The following SHMT1 variants were observed in gnomAD, a reference collection of about 807,000 sequenced individuals.
SHMT1 encodes serine hydroxymethyltransferase, cytosolic.
Under a neutral mutation model 49.0 loss-of-function variants are expected in SHMT1, and 45 were observed. The ratio of observed to expected loss-of-function variants is 0.92; its 90% confidence interval spans 0.72 to 1.18. The LOEUF is 1.18. SHMT1 is among the 50% of genes most tolerant of loss of function. The pLI is 0.00. For synonymous variants in SHMT1, 232 were observed against 246.6 expected, an observed-to-expected ratio of 0.94 and a Z score of 0.55; for missense variants, 541 against 612.4, an observed-to-expected ratio of 0.88 and a Z score of 1.23.
intron 2 of SHMT1, among the ~76,000 whole-genome samples, chr17:18,355,360 ACT>A (rs1986139438): frequency 7.6e-6 from 1 of 132,276 alleles, no homozygotes; most frequent in African/African-American, 3.1e-5. Context: ...ACAGAGCAAG[ACT>A]CTGTCTCAAA....
intron 1 of SHMT1, among the ~76,000 whole-genome samples, chr17:18,358,780 G>C (rs1009275877): frequency 2.0e-5 from 3 of 152,128 alleles, no homozygotes; most frequent in Non-Finnish European, 4.4e-5. Flanking sequence ...GCATGCATCT[G>C]TAGTCCCAGC....
chr17:18,356,597 T>G (rs945559508), intron 1 of SHMT1, among the ~76,000 whole-genome samples: 2 of 152,166 alleles, frequency 1.3e-5, no homozygotes, highest in African/African-American at 4.8e-5. Context: ...CCTCCCAAAG[T>G]GCTGGGATTA....
At chr17:18,349,711 C>T (rs117513105) in intron 3 of SHMT1, among the ~76,000 whole-genome samples, 2,544 of 150,954 alleles carry the variant, frequency 0.017, 28 homozygotes, top group South Asian at 0.045. Flanking sequence ...ACAGTGAGAC[C>T]CTAACTCTAA....
chr17:18,340,650 G>C lies in SHMT1; in HGVS notation c.601+82C>G. 1 of 1,220,846 alleles carries C rather than the reference G, an allele frequency of 8.2e-7. No individual in the cohort carries two copies. The highest frequency in any genetic ancestry group is 1.2e-6 in the Non-Finnish European group (1 of 844,074). 75.6% of individuals were successfully genotyped at this position (1,220,846 alleles called of 1,614,324 possible). A position where few individuals can be genotyped will look rare whatever the true frequency, so the allele number is the denominator to read the frequency against. On this transcript the variant is annotated intron_variant, in intron 6 of 11. Coordinates refer to ENST00000316694, the MANE Select transcript of SHMT1 (RefSeq NM_004169.5). The surrounding 1 kb of genome is among the most constrained non-coding windows in gnomAD (Gnocchi z 4.5). ...CAGAAACTAGCAGTGGGCTCAACAG[G>C]GTGCGAACATCTTTCCATCCTCATT...
intron 5 of SHMT1, among the ~76,000 whole-genome samples, chr17:18,347,047 G>T (rs886965063): frequency 6.6e-6 from 1 of 152,214 alleles, no homozygotes; most frequent in African/African-American, 2.4e-5. Flanking sequence ...TGGTTTTGGT[G>T]CTGGAGCTGG....
chr17:18,331,480 T>C (rs943273809), intron 9 of SHMT1: 10 of 154,424 alleles, frequency 6.5e-5, no homozygotes, highest in African/African-American at 9.6e-5. Context: ...AGTAAGATAC[T>C]GGACATAGTG....
intron 1 of SHMT1, among the ~76,000 whole-genome samples, chr17:18,362,381 C>T (rs762749634): frequency 9.2e-5 from 14 of 152,004 alleles, no homozygotes; most frequent in East Asian, 1.9e-4. Flanking sequence ...AGTGCAGTGG[C>T]GTGATCTCCG....
chr17:18,337,953 CTCCCAAAGTGCCGAGATT>C (rs1475350705), intron 7 of SHMT1, among the ~76,000 whole-genome samples: 4 of 152,086 alleles, frequency 2.6e-5, no homozygotes. Flanking sequence ...CTGCCTTGGC[CTCCCAAAGTGCCGAGATT>C]GCAGCCTCTG....
At chr17:18,355,292 C>G (rs1361587445) in intron 2 of SHMT1, among the ~76,000 whole-genome samples, 1 of 150,978 alleles carries the variant, frequency 6.6e-6, no homozygotes, top group African/African-American at 2.4e-5. Flanking sequence ...ATGGCATGAA[C>G]CCAGGAGGTG....
At chr17:18,343,582 T>C (rs1367517281) in intron 5 of SHMT1, among the ~76,000 whole-genome samples, 1 of 116,336 alleles carries the variant, frequency 8.6e-6, no homozygotes, top group Non-Finnish European at 1.6e-5. Context: ...CACTCCAGCC[T>C]GGGCGACAAG....
At position 18,340,409 on chromosome 17, in the gene SHMT1, C is replaced by T. The variant is rs910698375; in HGVS notation, c.602-154G>A. On this transcript the variant is annotated intron_variant, in intron 6 of 11. Transcript: ENST00000316694. This position sits in a 1 kb window ranked among gnomAD's most constrained non-coding sequence, Gnocchi z 4.5. The stretch of plus-strand genomic sequence containing the variant: ...AATGGAGAATGCCCTCAAAAAGCAC[C>T]TCTGTGCTAAAGGCAACCACTCTAA... The T allele has an allele frequency of 1.1e-5, 9 of 843,312 alleles. No individual in the cohort carries two copies. Among genetic ancestry groups the T allele is most frequent in the South Asian group, 4.3e-5 (3 of 69,246 alleles). The allele number at this position is 843,312 out of a possible 1,614,324, so 52.2% of individuals were successfully genotyped here.
intron 7 of SHMT1, among the ~76,000 whole-genome samples, chr17:18,336,773 C>A (rs1037539710): frequency 2.0e-5 from 3 of 152,038 alleles, no homozygotes; most frequent in Non-Finnish European, 4.4e-5. Flanking sequence ...AGAGAGAACC[C>A]ATGTCCACAG....
At chr17:18,362,639 G>A (rs1986877453) in intron 1 of SHMT1, among the ~76,000 whole-genome samples, 1 of 152,122 alleles carries the variant, frequency 6.6e-6, no homozygotes, top group Non-Finnish European at 1.5e-5. Flanking sequence ...TGTTATTTCT[G>A]CAAGAACCTA....
At chr17:18,336,318 A>G (rs529159873) in intron 7 of SHMT1, among the ~76,000 whole-genome samples, 1 of 151,860 alleles carries the variant, frequency 6.6e-6, no homozygotes, top group Non-Finnish European at 1.5e-5. Flanking sequence ...ATTTCCCTCC[A>G]CTAACATTGT....
chr17:18,339,577 T>C (rs1179701947), intron 7 of SHMT1, among the ~76,000 whole-genome samples: 3 of 151,860 alleles, frequency 2.0e-5, no homozygotes, highest in Non-Finnish European at 4.4e-5. Context: ...TTTTTTTTTT[T>C]TGAGACGGCA....
Position 18,340,691 on chromosome 17 carries a change from G to A in SHMT1, c.601+41C>T, listed in dbSNP as rs1464412661. On this transcript the variant is annotated intron_variant, in intron 6 of 11. Coordinates refer to ENST00000316694, the MANE Select transcript of SHMT1 (RefSeq NM_004169.5). This position sits in a 1 kb window ranked among gnomAD's most constrained non-coding sequence, Gnocchi z 4.5. Reference sequence around the variant, plus strand: ...CATCCTCATTCTGTAAGAGGCACCAGGCTACTGGTGAACAAGGTGACTTTC... The same window carrying A: ...CATCCTCATTCTGTAAGAGGCACCAAGCTACTGGTGAACAAGGTGACTTTC... 2 of 1,555,396 alleles carry A rather than the reference G, an allele frequency of 1.3e-6. No homozygotes were observed. Among genetic ancestry groups the A allele is most frequent in the African/African-American group, 1.4e-5 (1 of 73,568 alleles).
At chr17:18,332,915 A>G (rs1340268940) in intron 9 of SHMT1, 1 of 544,264 alleles carries the variant, frequency 1.8e-6, no homozygotes, top group East Asian at 3.7e-5. Context: ...TCTGAGGACA[A>G]GCAGTCCTTA....
intron 3 of SHMT1, 148 bp downstream of exon 3, chr17:18,353,524 G>A: frequency 1.2e-6 from 1 of 850,586 alleles, no homozygotes; most frequent in Admixed American, 1.7e-5. Context: ...GGGAATAAAA[G>A]AGTTCTGTCA....
intron 7 of SHMT1, among the ~76,000 whole-genome samples, chr17:18,335,988 GA>G (rs1983746489): frequency 6.6e-6 from 1 of 152,136 alleles, no homozygotes. Context: ...CCTTAAAAAT[GA>G]AAGGACAGGC....
Sources: allele counts gnomAD v4.1 joint callset (sites outside exome capture counted in the v4.1 genomes callset), GRCh38; gene constraint gnomAD v4.1.1; non-coding constraint Gnocchi (gnomAD v3.1); transcripts MANE v1.5; gene names NCBI Gene and HGNC (gene_info 2026-07-23, HGNC 2026-07-21).